The following ALOX15B variants were observed in gnomAD, a reference collection of about 807,000 sequenced individuals.
ALOX15B encodes polyunsaturated fatty acid lipoxygenase ALOX15B.
ALOX15B carries 74 observed loss-of-function variants against 73.8 expected under a neutral mutation model. The ratio of observed to expected loss-of-function variants is 1.00; its 90% confidence interval spans 0.83 to 1.22. The LOEUF (loss-of-function observed/expected upper bound fraction) is 1.22. ALOX15B is among the 50% of genes most tolerant of loss of function. ALOX15B has a pLI of 0.00. For synonymous variants in ALOX15B, 353 were observed against 357.2 expected (o/e 0.99, Z 0.13); for missense variants, 896 against 859.9 (o/e 1.04, Z -0.52).
Position 8,047,293 on chromosome 17 carries a change from G to A in ALOX15B, c.1493G>A (p.Ser498Asn). The A allele has an allele frequency of 6.2e-7, 1 of 1,614,126 alleles. No individual in the cohort carries two copies. The highest frequency in any genetic ancestry group is 1.1e-5 in the South Asian group (1 of 91,078). The change falls in exon 11 of 14, where the codon AGT (serine) becomes AAT (asparagine). Residue 498 changes from serine to asparagine, a missense_variant. Physicochemically the swap from Ser to Asn is conservative, Grantham distance 46 (BLOSUM62 1). Coordinates refer to ENST00000380183, the MANE Select transcript of ALOX15B (RefSeq NM_001141.3). ...VSEIIGIYYPSDESVQDDREL... is the reference protein window; with the variant it reads ...VSEIIGIYYPNDESVQDDREL... ...GAAATCATCGGTATCTACTACCCAA[G>A]TGATGAGTCTGTCCAAGATGACAGA...
Position 8,044,935 on chromosome 17 carries a change from C to G in ALOX15B, c.783C>G (p.Phe261Leu), listed in dbSNP as rs567291621. Residue 261 changes from phenylalanine (F) to leucine (L), a missense_variant, in exon 6 of 14, where the codon TTC (phenylalanine) becomes TTG (leucine). Physicochemically the swap from Phe to Leu is conservative, Grantham distance 22 (BLOSUM62 0). Coordinates refer to ENST00000380183, the MANE Select transcript of ALOX15B (RefSeq NM_001141.3). The stretch of plus-strand genomic sequence containing the variant: ...GCTGTCACTACCTCCCAAAGAACTT[C>G]CCCGTCACTGATGCCATGGTGGCCT... ...IRRCHYLPKNFPVTDAMVASV... is the reference protein window; with the variant it reads ...IRRCHYLPKNLPVTDAMVASV... 9.9e-6 allele frequency: 16 copies of G among 1,614,146 alleles called. No individual in the cohort carries two copies. The East Asian group carries it at 3.3e-4, about 34-fold the overall frequency.
Position 8,046,910 on chromosome 17 carries a change from A to G in ALOX15B, c.1291A>G (p.Thr431Ala). 1 of 1,614,184 alleles carries G rather than the reference A, an allele frequency of 6.2e-7. No homozygotes were observed. Among genetic ancestry groups the G allele is most frequent in the Non-Finnish European group, 8.5e-7 (1 of 1,180,022 alleles). The change falls in exon 10 of 14, where the codon ACA becomes GCA. Residue 431 changes from threonine (T) to alanine (A), a missense_variant. Transcript: ENST00000380183. ...ACCCAAGAGTCCTGTCTCTCAGTCC[A>G]CAGGCATCGGCATTGAAGGCTTCTC... ...IVPGQVVDRS[T>A]GIGIEGFSEL...
At chr17:8,048,257 G>C in intron 13 of ALOX15B, 129 bp from the exon 14 acceptor site, 1 of 1,140,696 alleles carries the variant, frequency 8.8e-7, no homozygotes, top group South Asian at 1.6e-5. Context: ...GGCTACTTCA[G>C]GTCCCACACT....
At chr17:8,044,396 T>A (rs1439949735) in intron 5 of ALOX15B, among the ~76,000 whole-genome samples, 1 of 131,086 alleles carries the variant, frequency 7.6e-6, no homozygotes, top group Non-Finnish European at 1.6e-5. Context: ...GACTCCAGCC[T>A]GGGCAACACA....
chr17:8,047,991 A>T (rs1598167818), intron 13 of ALOX15B, 76 bp downstream of exon 13: 1 of 1,506,682 alleles, frequency 6.6e-7, no homozygotes, highest in South Asian at 1.3e-5. Flanking sequence ...GCTGGCCCAG[A>T]CCCAACCCTG....
In ALOX15B at chr17:8,048,272, G is replaced by T. The variant is rs552231724; in HGVS notation, c.1852-114G>T. On this transcript the variant is annotated intron_variant, in intron 13 of 13. Transcript: ENST00000380183. ...GGCTACTTCAGGTCCCACACTTGGG[G>T]GCTAGGGCCAGAGCTGGCTAAGGCA... The T allele has an allele frequency of 3.8e-6, 5 of 1,311,668 alleles. No individual in the cohort carries two copies. The African/African-American group carries it at 7.4e-5, about 20-fold the overall frequency. The allele number at this position is 1,311,668 out of a possible 1,614,324, so 81.3% of individuals were successfully genotyped here. A position where few individuals can be genotyped will look rare whatever the true frequency, so the allele number is the denominator to read the frequency against.
At chr17:8,048,259 T>TC in intron 13 of ALOX15B, 127 bp from the exon 14 acceptor site, 1 of 1,163,638 alleles carries the variant, frequency 8.6e-7, no homozygotes, top group East Asian at 2.5e-5. Flanking sequence ...CTACTTCAGG[T>TC]CCCACACTTG....
intron 9 of ALOX15B, 64 bp from the exon 10 acceptor site, chr17:8,046,843 G>A (rs571812857): frequency 3.7e-5 from 60 of 1,611,374 alleles, no homozygotes; most frequent in African/African-American, 1.7e-4. Flanking sequence ...CCATCTCCCC[G>A]ACACCAGTGC....
Position 8,039,411 on chromosome 17 carries a change from C to G in ALOX15B, c.173C>G (p.Pro58Arg). The G allele has an allele frequency of 6.2e-7, 1 of 1,612,938 alleles. No homozygotes were observed. The highest frequency in any genetic ancestry group is 8.5e-7 in the Non-Finnish European group (1 of 1,179,532). Residue 58 changes from proline to arginine, a missense_variant, in exon 2 of 14, where the codon CCG becomes CGG. Transcript: ENST00000380183. ...GAEEDFQVTL[P>R]EDVGRVLLLR... ...GAGGAGGACTTCCAGGTGACGCTCC[C>G]GGAGGACGTAGGCCGAGTGCTGCTG...
Position 8,047,619 on chromosome 17 carries a change from G to A in ALOX15B, c.1635G>A (p.Val545=), listed in dbSNP as rs535841266. 6.2e-7 allele frequency: 1 copy of A among 1,611,558 alleles called. No individual in the cohort carries two copies. Among genetic ancestry groups the A allele is most frequent in the Admixed American group, 1.7e-5 (1 of 59,586 alleles). The change falls in exon 12 of 14, where the codon GTG becomes GTA. Residue 545 remains valine (V), a synonymous_variant. Coordinates refer to ENST00000380183, the MANE Select transcript of ALOX15B (RefSeq NM_001141.3). Reference sequence around the variant, plus strand: ...CCCTGGTGCAGTATGTCACCATGGTGATATTCACCTGCTCCGCCAAGCATG... The same window carrying A: ...CCCTGGTGCAGTATGTCACCATGGTAATATTCACCTGCTCCGCCAAGCATG... ...REALVQYVTM[V]IFTCSAKHAA...
chr17:8,039,258 C>G lies in ALOX15B; in HGVS notation c.103C>G (p.Pro35Ala). 1.2e-6 allele frequency: 2 copies of G among 1,600,014 alleles called. No individual in the cohort carries two copies. Among genetic ancestry groups the G allele is most frequent in the South Asian group, 1.1e-5 (1 of 88,344 alleles). ...SIVGTRGESP[P>A]LPLDNLGKEF... ...CGTGGGGACCCGGGGAGAGAGCCCC[C>G]CACTGCCCCTGGACAATCTCGGCAA... The change falls in exon 1 of 14, where the codon CCA becomes GCA. Residue 35 changes from proline (P) to alanine (A), a missense_variant. Transcript: ENST00000380183.
intron 8 of ALOX15B, among the ~76,000 whole-genome samples, chr17:8,046,394 A>T (rs534773150): frequency 1.2e-3 from 180 of 152,300 alleles, no homozygotes; most frequent in Admixed American, 4.1e-3. Flanking sequence ...AGGATGCCAG[A>T]GCCGGAAGAC....
rs542992184 is a variant in ALOX15B, at chr17:8,039,442, C to T, written c.204C>T (p.Arg68=). 6.2e-7 allele frequency: 1 copy of T among 1,610,950 alleles called. No homozygotes were observed. Among genetic ancestry groups the T allele is most frequent in the Non-Finnish European group, 8.5e-7 (1 of 1,179,114 alleles). The change falls in exon 2 of 14, where the codon CGC becomes CGT. Residue 68 remains arginine, a synonymous_variant. Coordinates refer to ENST00000380183, the MANE Select transcript of ALOX15B (RefSeq NM_001141.3). ...ACGTAGGCCGAGTGCTGCTGCTGCG[C>T]GTGCACAAGGCGCCCCCAGTGCTGC... ...PEDVGRVLLL[R]VHKAPPVLPL...
At chr17:8,044,105 G>GAGAGGAAGGAAGGAAGGAAGGAAGGA (rs1355114653) in intron 5 of ALOX15B, among the ~76,000 whole-genome samples, 3 of 62,320 alleles carry the variant, frequency 4.8e-5, no homozygotes, top group African/African-American at 2.2e-4. Context: ...GAGAGAGAGA[G>GAGAGGAAGGAAGGAAGGAAGGAAGGA]AGGAAGGAAG....
intron 3 of ALOX15B, among the ~76,000 whole-genome samples, chr17:8,040,643 G>GAAAGAAAGAAAGAAAGA (rs1976433026): frequency 1.5e-5 from 2 of 134,320 alleles, no homozygotes; most frequent in Non-Finnish European, 3.4e-5. Flanking sequence ...AAGAAAGAAA[G>GAAAGAAAGAAAGAAAGA]AAAGAAAGAA....
intron 3 of ALOX15B, among the ~76,000 whole-genome samples, chr17:8,040,601 G>GAGGAAGAA (rs1976419042): frequency 9.1e-6 from 1 of 109,462 alleles, no homozygotes; most frequent in African/African-American, 3.7e-5. Flanking sequence ...AAGAAAGAGA[G>GAGGAAGAA]AGAAAGAAAG....
At chr17:8,043,737 A>G (rs1976522771) in intron 5 of ALOX15B, among the ~76,000 whole-genome samples, 1 of 152,012 alleles carries the variant, frequency 6.6e-6, no homozygotes, top group East Asian at 1.9e-4. Flanking sequence ...ATGGAGAATC[A>G]ATGGGATTTG....
chr17:8,039,377 T>A lies in ALOX15B; in HGVS notation c.148-9T>A. On this transcript the variant is annotated splice_polypyrimidine_tract_variant and intron_variant, in intron 1 of 13. Coordinates refer to ENST00000380183, the MANE Select transcript of ALOX15B (RefSeq NM_001141.3). ...GGTCCGGCCTGACGCATACTTAACCTCCCCTCAGGAGGAGGACTTCCAGGT... is the reference window on the plus strand; with the variant it reads ...GGTCCGGCCTGACGCATACTTAACCACCCCTCAGGAGGAGGACTTCCAGGT... 6.2e-7 allele frequency: 1 copy of A among 1,610,418 alleles called. No homozygotes were observed.
rs755666587 is a variant in ALOX15B, at chr17:8,039,128, C to G, written c.-28C>G. The G allele has an allele frequency of 5.0e-6, 8 of 1,607,102 alleles. No individual in the cohort carries two copies. In the Admixed American group the frequency reaches 5.1e-5, roughly 10 times the overall value. On this transcript the variant is annotated 5_prime_UTR_variant, in exon 1 of 14. Transcript: ENST00000380183. ...AGCCCCGCTCTGCAGCCCTGTGCGC[C>G]GTAGAGAGCTGGACTTAGGCTGGCA... is the stretch of plus-strand genomic sequence containing the variant.
Sources: allele counts gnomAD v4.1 joint callset (sites outside exome capture counted in the v4.1 genomes callset), GRCh38; gene constraint gnomAD v4.1.1; transcripts MANE v1.5; gene names NCBI Gene and HGNC (gene_info 2026-07-23, HGNC 2026-07-21).